NOL4: variants seen among roughly 807,000 people sequenced by gnomAD.
The protein encoded by NOL4 is cancer/testis antigen 125.
A neutral mutation model predicts 75.9 loss-of-function variants in NOL4; 17 were observed. That is an observed-to-expected ratio of 0.22 (90% CI 0.15 to 0.34). The LOEUF (loss-of-function observed/expected upper bound fraction) is 0.34. NOL4 is among the 10% of genes least tolerant of loss of function. NOL4 has a pLI of 1.00. For synonymous variants in NOL4, 292 were observed against 289.9 expected (o/e 1.01, Z -0.07); for missense variants, 614 against 793.5 (o/e 0.77, Z 2.72).
intron 10 of NOL4, among the ~76,000 whole-genome samples, chr18:33,869,075 T>A (rs1286890920): frequency 6.6e-6 from 1 of 152,062 alleles, no homozygotes; most frequent in East Asian, 1.9e-4. Flanking sequence ...AATATGTAGG[T>A]ACCTATGATA....
At chr18:34,176,630 G>A (rs561371608) in intron 1 of NOL4, among the ~76,000 whole-genome samples, 2 of 152,120 alleles carry the variant, frequency 1.3e-5, no homozygotes, top group Admixed American at 1.3e-4. Flanking sequence ...TCTCATAATA[G>A]GACTGGTGCC....
At chr18:34,146,885 C>T (rs1050620495) in intron 1 of NOL4, among the ~76,000 whole-genome samples, 1 of 151,924 alleles carries the variant, frequency 6.6e-6, no homozygotes, top group Admixed American at 6.6e-5. Flanking sequence ...TGTGTCCTCT[C>T]TTATTTCCTT....
chr18:34,068,558 C>A (rs199747079), intron 5 of NOL4, among the ~76,000 whole-genome samples: 1 of 152,184 alleles, frequency 6.6e-6, no homozygotes, highest in East Asian at 1.9e-4. Flanking sequence ...TGCCACCACG[C>A]CCAGCTAATT....
chr18:34,047,647 A>C (rs2144914305), intron 5 of NOL4, among the ~76,000 whole-genome samples: 1 of 152,270 alleles, frequency 6.6e-6, no homozygotes, highest in African/African-American at 2.4e-5. Flanking sequence ...ATATCTTCAC[A>C]ATAGACACTA....
At chr18:34,048,313 AC>A in intron 5 of NOL4, 2 of 403,862 alleles carry the variant, frequency 5.0e-6, no homozygotes, top group Non-Finnish European at 6.7e-6. Flanking sequence ...TAACAACTGA[AC>A]TAGGAAAACA....
At chr18:34,058,704 A>T (rs2076935255) in intron 5 of NOL4, among the ~76,000 whole-genome samples, 1 of 152,156 alleles carries the variant, frequency 6.6e-6, no homozygotes, top group East Asian at 1.9e-4. Flanking sequence ...TCACAACTAG[A>T]AACTGTATCC....
chr18:34,097,819 A>G (rs2078859958), intron 4 of NOL4, among the ~76,000 whole-genome samples: 2 of 152,146 alleles, frequency 1.3e-5, no homozygotes, highest in African/African-American at 4.8e-5. Context: ...CACATTCCTT[A>G]GGATAAATTT....
intron 5 of NOL4, among the ~76,000 whole-genome samples, chr18:34,027,752 G>A (rs1002825879): frequency 1.4e-4 from 22 of 151,980 alleles, no homozygotes; most frequent in South Asian, 2.1e-4. Flanking sequence ...ACAGCAAATC[G>A]CCAAATGAAA....
intron 9 of NOL4, among the ~76,000 whole-genome samples, chr18:33,890,494 T>C (rs2065028986): frequency 6.6e-6 from 1 of 152,100 alleles, no homozygotes; most frequent in East Asian, 1.9e-4. Flanking sequence ...AAGCTACCAA[T>C]GACTTTCTTC....
At chr18:33,925,507 G>GGACCAAGCGAA (rs2067270983) in intron 9 of NOL4, among the ~76,000 whole-genome samples, 1 of 152,040 alleles carries the variant, frequency 6.6e-6, no homozygotes, top group Non-Finnish European at 1.5e-5. Flanking sequence ...AGATTCATTG[G>GGACCAAGCGAA]ACTTCTCAAA....
At chr18:34,105,191 T>C in intron 2 of NOL4, 31 bp from the exon 3 acceptor site, 1 of 1,347,558 alleles carries the variant, frequency 7.4e-7, no homozygotes, top group Non-Finnish European at 1.1e-6. Context: ...CAGGTGTTAT[T>C]ATATAAGCTC....
At chr18:34,147,305 A>T (rs993459060) in intron 1 of NOL4, among the ~76,000 whole-genome samples, 2 of 152,148 alleles carry the variant, frequency 1.3e-5, no homozygotes, top group African/African-American at 4.8e-5. Context: ...CAGTTTTCAA[A>T]GGGAATGCTT....
At chr18:34,158,998 G>C (rs1432434146) in intron 1 of NOL4, among the ~76,000 whole-genome samples, 1 of 152,216 alleles carries the variant, frequency 6.6e-6, no homozygotes, top group Non-Finnish European at 1.5e-5. Flanking sequence ...CTGTTTGTGG[G>C]AGACAAGCGG....
intron 2 of NOL4, among the ~76,000 whole-genome samples, chr18:34,110,468 T>C: frequency 6.6e-6 from 1 of 152,162 alleles, no homozygotes; most frequent in Non-Finnish European, 1.5e-5. Flanking sequence ...GAAAAAGCAT[T>C]TGACAAAATT....
intron 10 of NOL4, among the ~76,000 whole-genome samples, chr18:33,883,003 C>A (rs1443749555): frequency 6.6e-6 from 1 of 151,554 alleles, no homozygotes; most frequent in Non-Finnish European, 1.5e-5. Flanking sequence ...GGGAATTGAA[C>A]AATGAGAACA....
intron 1 of NOL4, among the ~76,000 whole-genome samples, chr18:34,203,715 T>TCCCACACACA (rs751513951): frequency 1.7e-5 from 1 of 59,538 alleles, no homozygotes; most frequent in Non-Finnish European, 4.3e-5. Flanking sequence ...TCTCTCTCTC[T>TCCCACACACA]CTCACACACA....
intron 9 of NOL4, among the ~76,000 whole-genome samples, chr18:33,901,122 G>A (rs1349986227): frequency 1.3e-5 from 2 of 151,902 alleles, no homozygotes; most frequent in Admixed American, 1.3e-4. Flanking sequence ...CACATTTTTG[G>A]GTTTACTGAT....
chr18:33,884,716 A>T (rs952143377), intron 9 of NOL4, among the ~76,000 whole-genome samples: 1 of 152,026 alleles, frequency 6.6e-6, no homozygotes, highest in Non-Finnish European at 1.5e-5. Context: ...GCAGCTTTTA[A>T]ATGTTGAGTA....
chr18:34,073,927 T>A (rs1166727358), intron 5 of NOL4, among the ~76,000 whole-genome samples: 1 of 151,910 alleles, frequency 6.6e-6, no homozygotes, highest in Non-Finnish European at 1.5e-5. Flanking sequence ...AAATGTGGTA[T>A]GACTAAATTG....
Sources: allele counts gnomAD v4.1 joint callset (sites outside exome capture counted in the v4.1 genomes callset), GRCh38; gene constraint gnomAD v4.1.1; transcripts MANE v1.5; gene names NCBI Gene and HGNC (gene_info 2026-07-23, HGNC 2026-07-21).